MAGI3: variants seen among roughly 807,000 people sequenced by gnomAD.
MAGI3 encodes membrane-associated guanylate kinase, WW and PDZ domain-containing protein 3.
MAGI3 carries 43 observed loss-of-function variants against 121.8 expected under a neutral mutation model. The ratio of observed to expected loss-of-function variants is 0.35; its 90% CI spans 0.28 to 0.46. The LOEUF (loss-of-function observed/expected upper bound fraction) is 0.46. Among genes scored for constraint, MAGI3 ranks in the 20% least tolerant of loss-of-function variants. MAGI3 has a pLI of 1.00. For synonymous variants in MAGI3, 553 were observed against 639.3 expected, an observed-to-expected ratio of 0.86 and a Z score of 2.04; for missense variants, 1,547 against 1,797.3, an observed-to-expected ratio of 0.86 and a Z score of 2.52.
intron 2 of MAGI3, among the ~76,000 whole-genome samples, chr1:113,560,262 T>C (rs1660167759): frequency 6.6e-6 from 1 of 152,040 alleles, no homozygotes. Context: ...CCTGTAGTCC[T>C]AGCTACTCGG....
intron 14 of MAGI3, 151 bp downstream of exon 14, chr1:113,651,357 T>C: frequency 3.2e-6 from 2 of 631,080 alleles, no homozygotes; most frequent in Non-Finnish European, 5.0e-6. Context: ...TGGAAGGCTA[T>C]GCAAACACAA....
At chr1:113,617,529 C>G (rs562251119) in intron 7 of MAGI3, among the ~76,000 whole-genome samples, 1 of 152,122 alleles carries the variant, frequency 6.6e-6, no homozygotes, top group South Asian at 2.1e-4. Flanking sequence ...TTCAGTAAAT[C>G]TTATATTCTT....
chr1:113,681,214 T>C lies in MAGI3; in HGVS notation c.3206T>C (p.Val1069Ala), dbSNP rs1445527714. ...DGRIHVGDQIVEINGEPTQGI... is the reference protein window; with the variant it reads ...DGRIHVGDQIAEINGEPTQGI... Reference sequence around the variant, plus strand: ...TCTGTCTAGGTTGGTGACCAGATTGTTGAAATCAATGGGGAACCTACACAA... The same window carrying C: ...TCTGTCTAGGTTGGTGACCAGATTGCTGAAATCAATGGGGAACCTACACAA... The change falls in exon 20 of 21, where the codon GTT becomes GCT. Residue 1069 changes from valine (V) to alanine (A), a missense_variant. Transcript: ENST00000307546. 6.2e-7 allele frequency: 1 copy of C among 1,613,814 alleles called. No homozygotes were observed. Among genetic ancestry groups the C allele is most frequent in the East Asian group, 2.2e-5 (1 of 44,838 alleles).
intron 1 of MAGI3, among the ~76,000 whole-genome samples, chr1:113,443,393 G>A (rs905209075): frequency 1.3e-5 from 2 of 152,076 alleles, no homozygotes; most frequent in African/African-American, 4.8e-5. Flanking sequence ...GGGAATTAAT[G>A]GAATTGAGTA....
intron 1 of MAGI3, among the ~76,000 whole-genome samples, chr1:113,437,157 C>T (rs1653611202): frequency 6.6e-6 from 1 of 151,694 alleles, no homozygotes; most frequent in Non-Finnish European, 1.5e-5. Context: ...GATTATCTGC[C>T]CCACTCCCAT....
chr1:113,532,801 CTCA>C (rs1256384780), intron 1 of MAGI3, among the ~76,000 whole-genome samples: 5 of 152,058 alleles, frequency 3.3e-5, no homozygotes, highest in South Asian at 4.1e-4. Context: ...GTAAATCTGT[CTCA>C]TCATGTCAAA....
Position 113,590,478 on chromosome 1 carries a change from T to C in MAGI3, c.764-6T>C, listed in dbSNP as rs370264342. 7.4e-6 allele frequency: 12 copies of C among 1,613,148 alleles called. 1 individual carries two copies. The highest frequency in any genetic ancestry group is 4.4e-5 in the South Asian group (4 of 90,968). ...TTTCACACCTTTCTGTTTTGAACAATGGCAGAAAACAGAGAGAGGCATTCT... is the reference window on the plus strand; with the variant it reads ...TTTCACACCTTTCTGTTTTGAACAACGGCAGAAAACAGAGAGAGGCATTCT... On this transcript the variant is annotated splice_polypyrimidine_tract_variant and splice_region_variant and intron_variant, in intron 4 of 20. Transcript: ENST00000307546.
At chr1:113,436,459 TTC>T (rs1653571392) in intron 1 of MAGI3, among the ~76,000 whole-genome samples, 2 of 152,172 alleles carry the variant, frequency 1.3e-5, no homozygotes, top group Admixed American at 1.3e-4. Flanking sequence ...GTGAATTTTA[TTC>T]TGTGTTTTTA....
intron 1 of MAGI3, among the ~76,000 whole-genome samples, chr1:113,536,363 T>TCCC (rs574491169): frequency 7.6e-4 from 115 of 152,216 alleles, no homozygotes; most frequent in African/African-American, 2.6e-3. Flanking sequence ...CATCTCCTCC[T>TCCC]CCCTTCCATC....
intron 9 of MAGI3, among the ~76,000 whole-genome samples, chr1:113,632,844 A>T (rs1651720479): frequency 1.3e-5 from 2 of 152,032 alleles, no homozygotes; most frequent in African/African-American, 4.8e-5. Context: ...GTCAAACTAG[A>T]ATGAATTTTT....
At chr1:113,504,248 A>G (rs113415015) in intron 1 of MAGI3, among the ~76,000 whole-genome samples, 7 of 152,246 alleles carry the variant, frequency 4.6e-5, no homozygotes, top group Non-Finnish European at 7.4e-5. Context: ...TAAAACTTAT[A>G]TTGCAAAAGA....
intron 1 of MAGI3, among the ~76,000 whole-genome samples, chr1:113,547,540 A>G (rs1221296326): frequency 6.6e-6 from 1 of 152,224 alleles, no homozygotes; most frequent in Non-Finnish European, 1.5e-5. Flanking sequence ...ACCTTTAGAC[A>G]ACTATATAGC....
At chr1:113,592,961 G>A (rs1415022373) in intron 5 of MAGI3, among the ~76,000 whole-genome samples, 3 of 152,148 alleles carry the variant, frequency 2.0e-5, no homozygotes, top group Non-Finnish European at 2.9e-5. Context: ...GCAGTGAGCC[G>A]AGATCGGGCC....
chr1:113,595,168 G>A (rs963071925), intron 6 of MAGI3, among the ~76,000 whole-genome samples: 17 of 152,020 alleles, frequency 1.1e-4, no homozygotes, highest in African/African-American at 4.1e-4. Flanking sequence ...GGGTGTGGTG[G>A]CACAAACCTG....
chr1:113,563,823 T>C lies in MAGI3; in HGVS notation c.433+14192T>C, dbSNP rs554581210. Among the ~76,000 whole-genome samples, 14 of 152,326 alleles carry C rather than the reference T, an allele frequency of 9.2e-5. No homozygotes were observed. The East Asian group carries it at 1.7e-3, about 19-fold the overall frequency. On this transcript the variant is annotated intron_variant, in intron 2 of 20. Transcript: ENST00000307546. The stretch of plus-strand genomic sequence containing the variant: ...CTGATACCCCATGCAGTTTCCTGCC[T>C]GTTAAATCCCTGACCCACTAACTGT...
At chr1:113,449,810 C>G in intron 1 of MAGI3, 1 of 1,152,180 alleles carries the variant, frequency 8.7e-7, no homozygotes, top group Non-Finnish European at 1.3e-6. Context: ...AGAAATGGGG[C>G]ACACTCACAG....
chr1:113,634,156 A>G (rs375632957), intron 9 of MAGI3, among the ~76,000 whole-genome samples: 1 of 152,140 alleles, frequency 6.6e-6, no homozygotes, highest in Admixed American at 6.5e-5. Flanking sequence ...AGATGAGTAG[A>G]TTGCAAAAAT....
intron 1 of MAGI3, chr1:113,450,842 A>T: frequency 1.5e-6 from 1 of 667,960 alleles, no homozygotes; most frequent in South Asian, 1.7e-5. Context: ...GAGGAACTGT[A>T]AAAATCTGCC....
chr1:113,560,459 A>G (rs1381975383), intron 2 of MAGI3, among the ~76,000 whole-genome samples: 1 of 152,050 alleles, frequency 6.6e-6, no homozygotes, highest in Admixed American at 6.6e-5. Context: ...AGAAAGAAAG[A>G]AGTTCACTTA....
Sources: gnomAD v4.1 joint callset for allele counts (sites outside exome capture counted in the v4.1 genomes callset) on GRCh38, gnomAD v4.1.1 for gene constraint, MANE v1.5 for transcripts, NCBI Gene and HGNC (gene_info 2026-07-23, HGNC 2026-07-21) for gene names.